The following NRG1 variants were observed in gnomAD, a reference collection of about 807,000 sequenced individuals.
The protein encoded by NRG1 is pro-neuregulin-1, membrane-bound isoform.
NRG1 carries 18 observed loss-of-function variants against 63.8 expected under a neutral mutation model. That is an observed-to-expected ratio of 0.28 (90% CI 0.19 to 0.42). The LOEUF (loss-of-function observed/expected upper bound fraction) is 0.42. NRG1 is among the 10% of genes least tolerant of loss of function. The pLI is 1.00. For missense variants in NRG1, 762 were observed against 814.7 expected, an observed-to-expected ratio of 0.94 and a Z score of 0.79; for synonymous variants, 302 against 301.3, an observed-to-expected ratio of 1.00 and a Z score of -0.02.
intron 1 of NRG1, among the ~76,000 whole-genome samples, chr8:32,203,976 G>C (rs1035185697): frequency 1.3e-5 from 2 of 152,112 alleles, no homozygotes; most frequent in Non-Finnish European, 2.9e-5. Context: ...TGGAAAATCA[G>C]GTGATCAGAT....
chr8:32,546,428 G>C (rs999135861), upstream of NRG1, among the ~76,000 whole-genome samples: 14 of 152,110 alleles, frequency 9.2e-5, no homozygotes, highest in African/African-American at 3.4e-4. Context: ...TGTATACTAA[G>C]CCCTTATGCT....
chr8:32,220,388 C>T (rs1391190590), intron 1 of NRG1, among the ~76,000 whole-genome samples: 2 of 151,802 alleles, frequency 1.3e-5, no homozygotes, highest in African/African-American at 2.4e-5. Context: ...GTATTCCACG[C>T]ATCACCTTGA....
intron 1 of NRG1, among the ~76,000 whole-genome samples, chr8:31,697,135 G>T (rs1810150963): frequency 6.6e-6 from 1 of 152,104 alleles, no homozygotes; most frequent in Non-Finnish European, 1.5e-5. Context: ...CAGAATTCAA[G>T]GCCATTCATC....
intron 1 of NRG1, among the ~76,000 whole-genome samples, chr8:31,823,658 G>A (rs557633431): frequency 6.6e-6 from 1 of 152,296 alleles, no homozygotes; most frequent in South Asian, 2.1e-4. Context: ...ATGTAACTGA[G>A]CAAATGAAAC....
chr8:32,767,980 G>C (rs1831555773), downstream of NRG1: 1 of 152,198 alleles, frequency 6.6e-6, no homozygotes, highest in Non-Finnish European at 1.5e-5. Context: ...TTGCTCAGCA[G>C]ACTACAGCTT....
chr8:32,704,406 G>A (rs1815791985), intron 5 of NRG1, among the ~76,000 whole-genome samples: 1 of 152,190 alleles, frequency 6.6e-6, no homozygotes, highest in Non-Finnish European at 1.5e-5. Flanking sequence ...AATTGTTCAA[G>A]TGAGTTTGCA....
chr8:32,434,420 T>A (rs1037062983), intron 1 of NRG1, among the ~76,000 whole-genome samples: 1 of 152,100 alleles, frequency 6.6e-6, no homozygotes, highest in African/African-American at 2.4e-5. Context: ...TTTAAAACAT[T>A]AGGATTCAGA....
intron 1 of NRG1, among the ~76,000 whole-genome samples, chr8:32,031,523 C>A (rs567165052): frequency 6.6e-6 from 1 of 152,230 alleles, no homozygotes; most frequent in South Asian, 2.1e-4. Flanking sequence ...CTAAAGATGG[C>A]AGGCCAGTCT....
chr8:32,536,084 A>C (rs183145260), intron 1 of NRG1, among the ~76,000 whole-genome samples: 94 of 152,340 alleles, frequency 6.2e-4, no homozygotes, highest in African/African-American at 2.0e-3. Flanking sequence ...CAATCTTAGC[A>C]TCTGGAAACA....
intron 1 of NRG1, among the ~76,000 whole-genome samples, chr8:31,885,683 A>C (rs1444046288): frequency 1.3e-5 from 2 of 152,148 alleles, no homozygotes; most frequent in Admixed American, 1.3e-4. Context: ...TCAGCAGATA[A>C]GCCTAGTACA....
At chr8:32,195,086 G>C (rs1051709713) in intron 1 of NRG1, among the ~76,000 whole-genome samples, 4 of 152,022 alleles carry the variant, frequency 2.6e-5, no homozygotes, top group Non-Finnish European at 5.9e-5. Context: ...CTTCAGACTT[G>C]GGGAGGTTAC....
At chr8:32,583,158 T>TTTTC (rs1413174402) in intron 1 of NRG1, among the ~76,000 whole-genome samples, 1 of 152,184 alleles carries the variant, frequency 6.6e-6, no homozygotes, top group Non-Finnish European at 1.5e-5. Flanking sequence ...TTTTCTGGCT[T>TTTTC]TTTCTTAGAT....
chr8:32,737,048 T>A (rs1170461527), intron 6 of NRG1, among the ~76,000 whole-genome samples: 1 of 152,190 alleles, frequency 6.6e-6, no homozygotes, highest in Non-Finnish European at 1.5e-5. Flanking sequence ...CAGTTTTTAT[T>A]ATACTGGTGC....
chr8:32,707,705 A>T (rs1056263661), intron 5 of NRG1, among the ~76,000 whole-genome samples: 1 of 131,148 alleles, frequency 7.6e-6, no homozygotes, highest in African/African-American at 2.8e-5. Context: ...AAATATATCT[A>T]ATTGGTTTGT....
At chr8:31,999,478 C>T (rs1447133754) in intron 1 of NRG1, among the ~76,000 whole-genome samples, 2 of 151,990 alleles carry the variant, frequency 1.3e-5, no homozygotes, top group Non-Finnish European at 1.5e-5. Context: ...AAAAGATGTA[C>T]TAACTGAAAA....
chr8:32,627,609 G>T (rs906484455), intron 5 of NRG1, among the ~76,000 whole-genome samples: 1 of 152,098 alleles, frequency 6.6e-6, no homozygotes, highest in African/African-American at 2.4e-5. Flanking sequence ...TACCCAGCTT[G>T]CAATTTCCTG....
intron 1 of NRG1, among the ~76,000 whole-genome samples, chr8:32,532,119 C>T (rs553867308): frequency 1.3e-5 from 2 of 152,190 alleles, no homozygotes; most frequent in East Asian, 3.9e-4. Flanking sequence ...ACAAGCAGAG[C>T]CTGGATTCAA....
At chr8:32,284,668 C>A (rs2129473543) in intron 1 of NRG1, among the ~76,000 whole-genome samples, 1 of 152,160 alleles carries the variant, frequency 6.6e-6, no homozygotes, top group Non-Finnish European at 1.5e-5. Flanking sequence ...GTAGCTGGGA[C>A]CACAGGCACA....
chr8:32,505,179 A>G (rs1878917), intron 1 of NRG1, among the ~76,000 whole-genome samples: 112,801 of 152,014 alleles, frequency 0.74, 42,119 homozygotes, highest in East Asian at 0.89. Flanking sequence ...ACTAAGCTTT[A>G]TCAAGCAGGC....
Sources: gnomAD v4.1 joint callset for allele counts (sites outside exome capture counted in the v4.1 genomes callset) on GRCh38, gnomAD v4.1.1 for gene constraint, MANE v1.5 for transcripts, NCBI Gene and HGNC (gene_info 2026-07-23, HGNC 2026-07-21) for gene names.